PATL1: variants seen among roughly 807,000 people sequenced by gnomAD.
PATL1 encodes the protein PAT1 homolog 1, processing body mRNA decay factor.
Under a neutral mutation model 100.6 loss-of-function variants are expected in PATL1, and 32 were observed. The observed-to-expected ratio is 0.32, with a 90% CI of 0.24 to 0.43. The LOEUF (loss-of-function observed/expected upper bound fraction) is 0.43. Ranked by LOEUF, PATL1 falls within the 20% of genes least tolerant of loss-of-function variation. The pLI is 1.00. For synonymous variants in PATL1, 332 were observed against 330.0 expected (o/e 1.01, Z -0.07); for missense variants, 747 against 949.9 (o/e 0.79, Z 2.81).
In PATL1 at chr11:59,656,571, C is replaced by T. The variant is rs749557925; in HGVS notation, c.651G>A (p.Arg217=). Residue 217 remains arginine, a synonymous_variant, in exon 6 of 19, where the codon CGG becomes CGA. Coordinates refer to ENST00000300146, the MANE Select transcript of PATL1 (RefSeq NM_152716.3). ...QILCPKPVHV[R]PPMPPRYPAP... ...CAGGATAACGAGGTGGCATTGGGGGCCGAACATGGACAGGCTTCGGACACA... is the reference window on the plus strand; with the variant it reads ...CAGGATAACGAGGTGGCATTGGGGGTCGAACATGGACAGGCTTCGGACACA... 1 of 1,613,854 alleles carries T rather than the reference C, an allele frequency of 6.2e-7. No homozygotes were observed. Among genetic ancestry groups the T allele is most frequent in the Non-Finnish European group, 8.5e-7 (1 of 1,179,854 alleles).
At chr11:59,654,398 G>C (rs1469345092) in intron 8 of PATL1, among the ~76,000 whole-genome samples, 2 of 151,000 alleles carry the variant, frequency 1.3e-5, no homozygotes, top group East Asian at 3.9e-4. Context: ...AATCGCTTGA[G>C]CCTGGGAGGC....
intron 1 of PATL1, 100 bp downstream of exon 1, chr11:59,668,781 C>T: frequency 4.7e-6 from 3 of 633,372 alleles, no homozygotes; most frequent in Admixed American, 2.7e-5. Flanking sequence ...CCCCAGCCCG[C>T]CCCCTGCCCC....
chr11:59,641,895 C>T (rs1221372122), intron 16 of PATL1, among the ~76,000 whole-genome samples: 1 of 152,238 alleles, frequency 6.6e-6, no homozygotes, highest in Non-Finnish European at 1.5e-5. Context: ...TCTTCTTCCT[C>T]TGATACACTG....
intron 9 of PATL1, 56 bp from the exon 10 acceptor site, chr11:59,653,074 C>A: frequency 1.2e-5 from 16 of 1,385,888 alleles, no homozygotes; most frequent in South Asian, 2.9e-5. Flanking sequence ...CGCTTTTTAA[C>A]AACAGAGGAA....
chr11:59,642,174 G>A (rs551186589), intron 16 of PATL1, among the ~76,000 whole-genome samples: 3 of 152,304 alleles, frequency 2.0e-5, no homozygotes, highest in African/African-American at 7.2e-5. Context: ...GACAGTAGCA[G>A]GGAAGGACTA....
intron 15 of PATL1, among the ~76,000 whole-genome samples, chr11:59,646,515 C>A (rs1364446146): frequency 6.6e-6 from 1 of 152,000 alleles, no homozygotes; most frequent in East Asian, 1.9e-4. Context: ...TTGTCCCAAC[C>A]CACTTCACTT....
At chr11:59,667,011 C>T (rs1395083493) in intron 1 of PATL1, 47 bp from the exon 2 acceptor site, 67 of 1,518,814 alleles carry the variant, frequency 4.4e-5, no homozygotes, top group Non-Finnish European at 5.6e-5. Flanking sequence ...TTCACACCCT[C>T]ATTTTAAAAA....
At position 59,655,931 on chromosome 11, in the gene PATL1, T is replaced by C. The variant is rs754861238; in HGVS notation, c.813+25A>G. ...TTTAGGAAAGTAGGAGAGTTCTTTATGGGTAGGGCTAATCACAGGCTTACC... is the reference window on the plus strand; with the variant it reads ...TTTAGGAAAGTAGGAGAGTTCTTTACGGGTAGGGCTAATCACAGGCTTACC... On this transcript the variant is annotated intron_variant, in intron 7 of 18. Transcript: ENST00000300146. 27 of 1,530,610 alleles carry C rather than the reference T, an allele frequency of 1.8e-5. No homozygotes were observed. In the South Asian group the frequency reaches 2.0e-4, roughly 11 times the overall value. 94.8% of individuals were successfully genotyped at this position (1,530,610 alleles called of 1,614,324 possible). A position where few individuals can be genotyped will look rare whatever the true frequency, so the allele number is the denominator to read the frequency against.
At chr11:59,656,407 G>A (rs1861534513) in intron 6 of PATL1, 92 bp downstream of exon 6, 1 of 1,049,738 alleles carries the variant, frequency 9.5e-7, no homozygotes, top group African/African-American at 1.6e-5. Flanking sequence ...TAATTTAGGA[G>A]ATGTCAGCAA....
At chr11:59,649,768 TAAA>T (rs1309432176) in intron 13 of PATL1, among the ~76,000 whole-genome samples, 158 bp from the exon 14 acceptor site, 1 of 151,880 alleles carries the variant, frequency 6.6e-6, no homozygotes, top group East Asian at 1.9e-4. Context: ...TGAAATAACT[TAAA>T]AAATTCCTCA....
At chr11:59,663,916 G>A (rs867265290) in intron 2 of PATL1, among the ~76,000 whole-genome samples, 13 of 152,304 alleles carry the variant, frequency 8.5e-5, no homozygotes, top group Middle Eastern at 3.4e-3. Flanking sequence ...CTGCAGAGGA[G>A]TATCAAAGAA....
At chr11:59,666,529 G>A (rs565506354) in intron 2 of PATL1, among the ~76,000 whole-genome samples, 1 of 152,084 alleles carries the variant, frequency 6.6e-6, no homozygotes, top group Non-Finnish European at 1.5e-5. Flanking sequence ...TCTCATCTAG[G>A]ATTAATTTAA....
At chr11:59,647,731 G>A in intron 15 of PATL1, 23 bp downstream of exon 15, 1 of 1,611,378 alleles carries the variant, frequency 6.2e-7, no homozygotes, top group South Asian at 1.1e-5. Context: ...TCAAAAGAAA[G>A]ATGTCCCATC....
In PATL1 at chr11:59,649,515, G is replaced by T; in HGVS notation, c.1680C>A (p.His560Gln). 1 of 1,613,876 alleles carries T rather than the reference G, an allele frequency of 6.2e-7. No homozygotes were observed. Among genetic ancestry groups the T allele is most frequent in the Non-Finnish European group, 8.5e-7 (1 of 1,179,850 alleles). Residue 560 changes from histidine to glutamine, a missense_variant, in exon 14 of 19, where the codon CAC becomes CAA. Around this residue, in one of 4 missense-constraint regions of PATL1, gnomAD observed 434 missense variants for 596.1 expected, o/e 0.73. Transcript: ENST00000300146. Reference protein sequence around the residue: ...ERPALMDDRKHKICSMYDNLR... With the variant: ...ERPALMDDRKQKICSMYDNLR... ...AGTTGTCATACATGCTACAAATTTT[G>T]TGCTTTCTGTCATCCATTAGGGCAG... is the stretch of plus-strand genomic sequence containing the variant.
chr11:59,668,836 G>A, intron 1 of PATL1, 45 bp downstream of exon 1: 1 of 1,256,900 alleles, frequency 8.0e-7, no homozygotes, highest in Non-Finnish European at 1.1e-6. Flanking sequence ...GAGGGAGAGG[G>A]GCGCGGGAGG....
chr11:59,658,875 C>G lies in PATL1; in HGVS notation c.417G>C (p.Leu139=). ...AGAAAATATTTAATACCTGAGCAAG[C>G]AGTGGTCCTCGGATTCGCCTCAGAA... ...SEVLRRIRGP[L]LAQEMPTVSV... The change falls in exon 4 of 19, where the codon CTG becomes CTC. Residue 139 remains leucine, a synonymous_variant. Transcript: ENST00000300146. The G allele has an allele frequency of 6.5e-7, 1 of 1,548,174 alleles. No individual in the cohort carries two copies. Among genetic ancestry groups the G allele is most frequent in the Non-Finnish European group, 8.7e-7 (1 of 1,146,096 alleles).
chr11:59,662,039 T>A (rs1351645306), intron 2 of PATL1, among the ~76,000 whole-genome samples: 1 of 152,202 alleles, frequency 6.6e-6, no homozygotes. Flanking sequence ...TCAGATTACA[T>A]TAACAGTTAA....
intron 3 of PATL1, 68 bp from the exon 4 acceptor site, chr11:59,659,014 G>T: frequency 7.3e-7 from 1 of 1,365,396 alleles, no homozygotes; most frequent in Non-Finnish European, 1.0e-6. Context: ...ATCTGCTGCT[G>T]GGGAACAAGG....
intron 15 of PATL1, 89 bp from the exon 16 acceptor site, chr11:59,643,124 G>C: frequency 7.2e-7 from 1 of 1,386,738 alleles, no homozygotes; most frequent in Non-Finnish European, 9.8e-7. Flanking sequence ...ATGTTCATTT[G>C]TATATTCAAC....
Sources: gnomAD v4.1 joint callset for allele counts (sites outside exome capture counted in the v4.1 genomes callset) on GRCh38, gnomAD v4.1.1 for gene constraint, gnomAD v4.1.1 regional missense constraint, MANE v1.5 for transcripts, NCBI Gene and HGNC (gene_info 2026-07-23, HGNC 2026-07-21) for gene names.